Variants in TPD52L1 observed in about 807,000 individuals in gnomAD.
The protein encoded by TPD52L1 is TPD52 like 1.
In TPD52L1, 18 loss-of-function variants were observed where a neutral mutation model predicts 28.7. The observed-to-expected ratio is 0.63, with a 90% confidence interval of 0.43 to 0.93. The LOEUF is 0.93. TPD52L1 is among the 40% of genes least tolerant of loss of function. TPD52L1 has a pLI of 0.00. For missense variants in TPD52L1, 203 were observed against 254.8 expected (o/e 0.80, Z 1.39); for synonymous variants, 75 against 88.8 (o/e 0.84, Z 0.88).
intron 1 of TPD52L1, 87 bp downstream of exon 1, chr6:125,154,057 C>A: frequency 1.3e-6 from 2 of 1,525,794 alleles, no homozygotes; most frequent in South Asian, 1.2e-5. Context: ...CGCTCTCGGA[C>A]AGAACAGATT....
At chr6:125,172,531 T>TATATATATATATATAATATATATATATA in intron 1 of TPD52L1, among the ~76,000 whole-genome samples, 1 of 87,116 alleles carries the variant, frequency 1.1e-5, no homozygotes, top group African/African-American at 5.3e-5. Flanking sequence ...TATATATATA[T>TATATATATATATATAATATATATATATA]ATATATATAT....
chr6:125,226,021 T>C (rs909114034), intron 2 of TPD52L1, among the ~76,000 whole-genome samples: 2 of 152,226 alleles, frequency 1.3e-5, no homozygotes, highest in Non-Finnish European at 2.9e-5. Context: ...AGTAAAGACC[T>C]CATTGTGGCA....
rs547335440 is a variant in TPD52L1, at chr6:125,170,951, A to G, written c.19+16981A>G. 2.0e-5 allele frequency among the ~76,000 whole-genome samples: 3 copies of G among 152,236 alleles called. No individual in the cohort carries two copies. In the South Asian group the frequency reaches 6.2e-4, roughly 32 times the overall value. ...GCCCTGAGAGTGTTACCAGGCATCCATGAGCCTTTCGTGGGTAGACTATGC... is the reference window on the plus strand; with the variant it reads ...GCCCTGAGAGTGTTACCAGGCATCCGTGAGCCTTTCGTGGGTAGACTATGC... On this transcript the variant is annotated intron_variant, in intron 1 of 6. Coordinates refer to ENST00000534000, the MANE Select transcript of TPD52L1 (RefSeq NM_003287.4).
intron 6 of TPD52L1, among the ~76,000 whole-genome samples, chr6:125,259,447 G>T (rs1283783797): frequency 6.6e-6 from 1 of 152,084 alleles, no homozygotes; most frequent in East Asian, 1.9e-4. Flanking sequence ...ATTTAGTTCT[G>T]CCTACGCCCT....
At chr6:125,261,829 A>G (rs1489960002) in intron 6 of TPD52L1, 1 of 152,188 alleles carries the variant, frequency 6.6e-6, no homozygotes, top group Non-Finnish European at 1.5e-5. Context: ...ACAAGAAAAA[A>G]GCCTCATAAA....
chr6:125,252,888 T>C (rs1797364268), intron 4 of TPD52L1: 1 of 152,152 alleles, frequency 6.6e-6, no homozygotes, highest in South Asian at 2.1e-4. Context: ...ACAGATTTGG[T>C]CCCTGAACTA....
At chr6:125,159,464 A>G (rs538294704) in intron 1 of TPD52L1, among the ~76,000 whole-genome samples, 2 of 152,182 alleles carry the variant, frequency 1.3e-5, no homozygotes, top group Non-Finnish European at 2.9e-5. Context: ...TTTCTACCAC[A>G]TCTGCACTTC....
At chr6:125,192,335 T>A (rs968686765) in intron 1 of TPD52L1, among the ~76,000 whole-genome samples, 16 of 151,756 alleles carry the variant, frequency 1.1e-4, no homozygotes, top group African/African-American at 3.2e-4. Flanking sequence ...TTTTTTTTTT[T>A]ATCTGGTGTT....
rs11431442 is a variant in TPD52L1 at position 125,249,691 on chromosome 6, CAAA to C, written c.386+1325_386+1327del. On this transcript the variant is annotated intron_variant, in intron 4 of 6. Transcript: ENST00000534000. ...TAGGCAATAGAGTGAGACTCTGTCT[CAAA>C]AAAAAAAAAAAAAAAAGAAGGAAAA... 4.8e-3 allele frequency among the ~76,000 whole-genome samples: 362 copies of C among 75,194 alleles called. 1 individual carries two copies. Among genetic ancestry groups the C allele is most frequent in the African/African-American group, 0.014 (334 of 24,048 alleles). The allele number at this position is 75,194 out of a possible 152,430, so 49.3% of individuals were successfully genotyped here.
chr6:125,161,009 C>T (rs899368038), intron 1 of TPD52L1, among the ~76,000 whole-genome samples: 7 of 152,070 alleles, frequency 4.6e-5, no homozygotes, highest in African/African-American at 1.4e-4. Context: ...CGTGCCACCA[C>T]GCCCTGCTAA....
chr6:125,229,857 C>T (rs188795008), intron 3 of TPD52L1, among the ~76,000 whole-genome samples: 17 of 152,184 alleles, frequency 1.1e-4, no homozygotes, highest in Admixed American at 7.2e-4. Flanking sequence ...GAAGCTGAGG[C>T]GGGTGGATCA....
chr6:125,248,420 C>T, intron 4 of TPD52L1, 37 bp downstream of exon 4: 1 of 1,532,484 alleles, frequency 6.5e-7, no homozygotes, highest in Non-Finnish European at 9.0e-7. Context: ...GGCGCTAAGC[C>T]CTTGGCTTTC....
chr6:125,170,479 G>T (rs1172693268), intron 1 of TPD52L1, among the ~76,000 whole-genome samples: 1 of 150,664 alleles, frequency 6.6e-6, no homozygotes, highest in African/African-American at 2.4e-5. Context: ...CAGATTTGCT[G>T]GTAGCTCTCA....
intron 2 of TPD52L1, among the ~76,000 whole-genome samples, chr6:125,224,853 C>T (rs917759279): frequency 6.6e-6 from 1 of 152,146 alleles, no homozygotes; most frequent in Non-Finnish European, 1.5e-5. Flanking sequence ...AGTTAGTTCA[C>T]TTTTTTGCAT....
At chr6:125,170,673 A>G (rs1376049716) in intron 1 of TPD52L1, among the ~76,000 whole-genome samples, 8 of 152,128 alleles carry the variant, frequency 5.3e-5, no homozygotes, top group African/African-American at 1.9e-4. Context: ...TCTATGACCC[A>G]GAAGTCTTGT....
chr6:125,258,323 C>G (rs1488657195), intron 6 of TPD52L1, among the ~76,000 whole-genome samples: 1 of 152,158 alleles, frequency 6.6e-6, no homozygotes, highest in Non-Finnish European at 1.5e-5. Context: ...ATGCCAACAT[C>G]ATCGCTTATT....
intron 1 of TPD52L1, among the ~76,000 whole-genome samples, chr6:125,217,552 T>G (rs1291037506): frequency 1.3e-5 from 2 of 152,068 alleles, no homozygotes; most frequent in African/African-American, 2.4e-5. Flanking sequence ...CAGGTGGTAA[T>G]GCAAGCAGTG....
chr6:125,173,015 A>C (rs1271284453), intron 1 of TPD52L1, among the ~76,000 whole-genome samples: 1 of 152,172 alleles, frequency 6.6e-6, no homozygotes, highest in East Asian at 1.9e-4. Context: ...TCCCCCATTA[A>C]AAATAATACA....
At chr6:125,237,923 G>A (rs541615522) in intron 3 of TPD52L1, among the ~76,000 whole-genome samples, 1 of 152,268 alleles carries the variant, frequency 6.6e-6, no homozygotes, top group African/African-American at 2.4e-5. Flanking sequence ...GCCTCCCAAA[G>A]TGCTGAGATT....
Sources: gnomAD v4.1 joint callset for allele counts (sites outside exome capture counted in the v4.1 genomes callset) on GRCh38, gnomAD v4.1.1 for gene constraint, MANE v1.5 for transcripts, NCBI Gene and HGNC (gene_info 2026-07-23, HGNC 2026-07-21) for gene names.